HMGB1: variants seen among roughly 807,000 people sequenced by gnomAD.
HMGB1 encodes high mobility group protein B1.
For missense variants in HMGB1, 79 were observed against 253.5 expected (o/e 0.31, Z 4.67); for synonymous variants, 81 against 84.0 (o/e 0.96, Z 0.19).
chr13:30,574,144 C>T (rs1453062862), intron 1 of HMGB1, among the ~76,000 whole-genome samples: 2 of 152,322 alleles, frequency 1.3e-5, no homozygotes, highest in Non-Finnish European at 2.9e-5. Context: ...CAAAGTTTAA[C>T]TCAAAAGCCA....
Position 30,572,632 on chromosome 13 carries a change from A to G in HMGB1, c.-15+44039T>C, listed in dbSNP as rs192707228. Among the ~76,000 whole-genome samples the G allele has an allele frequency of 6.6e-5, 10 of 152,332 alleles. No homozygotes were observed. The East Asian group carries it at 1.7e-3, about 26-fold the overall frequency. On this transcript the variant is annotated intron_variant, in intron 1 of 4. Coordinates refer to the HMGB1 transcript ENST00000405805. ...AGAAGGGTAAATCTCTTACCAATGAACTTTGCTAATTCTTAGTGACTCCGT... is the reference window on the plus strand; with the variant it reads ...AGAAGGGTAAATCTCTTACCAATGAGCTTTGCTAATTCTTAGTGACTCCGT...
chr13:30,588,844 G>A (rs995242809), intron 1 of HMGB1, among the ~76,000 whole-genome samples: 6 of 151,934 alleles, frequency 3.9e-5, no homozygotes, highest in Admixed American at 1.3e-4. Flanking sequence ...TTGAATCTGG[G>A]AGGCGGAGGT....
At chr13:30,594,015 T>C (rs185974395) in intron 1 of HMGB1, among the ~76,000 whole-genome samples, 2 of 152,316 alleles carry the variant, frequency 1.3e-5, no homozygotes, top group African/African-American at 4.8e-5. Context: ...CTGTATTTCT[T>C]AGGAATTATT....
At position 30,472,962 on chromosome 13, in the gene HMGB1, A is replaced by G. The variant is rs140403927; in HGVS notation, c.-14-9268T>C. Among the ~76,000 whole-genome samples the G allele has an allele frequency of 8.5e-5, 13 of 152,138 alleles. No individual in the cohort carries two copies. The East Asian group carries it at 2.3e-3, about 27-fold the overall frequency. On this transcript the variant is annotated intron_variant, in intron 1 of 4. Coordinates refer to the HMGB1 transcript ENST00000405805. Reference sequence around the variant, plus strand: ...CTAGAAGCAAGGATACTGACATCCAATCCCCTCAATTCACTATGCACGGAC... The same window carrying G: ...CTAGAAGCAAGGATACTGACATCCAGTCCCCTCAATTCACTATGCACGGAC...
chr13:30,523,525 G>GTT (rs11456813), intron 1 of HMGB1, among the ~76,000 whole-genome samples: 78 of 150,396 alleles, frequency 5.2e-4, no homozygotes, highest in Non-Finnish European at 5.8e-4. Flanking sequence ...CTGAAGCCAA[G>GTT]TTTTTTTTTT....
At chr13:30,484,888 T>A (rs1887327496) in intron 1 of HMGB1, among the ~76,000 whole-genome samples, 1 of 152,088 alleles carries the variant, frequency 6.6e-6, no homozygotes, top group African/African-American at 2.4e-5. Context: ...TTCTATAGAT[T>A]ACTCTTCTTC....
At chr13:30,554,405 C>A in intron 1 of HMGB1, 1 of 822,458 alleles carries the variant, frequency 1.2e-6, no homozygotes, top group Non-Finnish European at 2.2e-6. Flanking sequence ...TAACATTAAA[C>A]AAGTGTTATT....
chr13:30,500,474 A>G (rs1393101914), intron 1 of HMGB1, among the ~76,000 whole-genome samples: 1 of 150,952 alleles, frequency 6.6e-6, no homozygotes, highest in Non-Finnish European at 1.5e-5. Flanking sequence ...GGCTCAAGCA[A>G]TCCTCCCCAC....
intron 1 of HMGB1, among the ~76,000 whole-genome samples, chr13:30,562,476 G>A (rs371792887): frequency 6.6e-6 from 1 of 151,776 alleles, no homozygotes; most frequent in Admixed American, 6.6e-5. Context: ...TGACTATAAA[G>A]TACTCTTATA....
intron 1 of HMGB1, among the ~76,000 whole-genome samples, chr13:30,592,663 A>ATG (rs1871417381): frequency 6.6e-6 from 1 of 152,146 alleles, no homozygotes; most frequent in African/African-American, 2.4e-5. Flanking sequence ...ATTGTTTAAG[A>ATG]ATTTGCTAAA....
chr13:30,514,692 C>T (rs532444749), intron 1 of HMGB1, among the ~76,000 whole-genome samples: 1 of 151,010 alleles, frequency 6.6e-6, no homozygotes, highest in Non-Finnish European at 1.5e-5. Context: ...AGTGGCTATT[C>T]ATCAGCACCA....
chr13:30,548,614 T>C (rs1158626435), intron 1 of HMGB1, among the ~76,000 whole-genome samples: 2 of 152,206 alleles, frequency 1.3e-5, no homozygotes, highest in Non-Finnish European at 2.9e-5. Context: ...AGTATGCGGT[T>C]TGCAAAATTC....
chr13:30,525,115 G>A (rs1888333807), intron 1 of HMGB1, among the ~76,000 whole-genome samples: 1 of 152,162 alleles, frequency 6.6e-6, no homozygotes, highest in Non-Finnish European at 1.5e-5. Flanking sequence ...TCTAAGCTCA[G>A]ACTCCATGTA....
chr13:30,505,170 CGTT>C (rs559515089), intron 1 of HMGB1, among the ~76,000 whole-genome samples: 15 of 148,538 alleles, frequency 1.0e-4, no homozygotes, highest in African/African-American at 2.7e-4. Flanking sequence ...TTGTTGTTGT[CGTT>C]GTTGTTGTTG....
chr13:30,604,887 T>C (rs1213898189), intron 1 of HMGB1, among the ~76,000 whole-genome samples: 10 of 152,158 alleles, frequency 6.6e-5, no homozygotes, highest in Non-Finnish European at 1.5e-4. Context: ...CTCCATCTCC[T>C]GATCCCGTGA....
chr13:30,519,215 A>G (rs999357714), intron 1 of HMGB1, among the ~76,000 whole-genome samples: 1 of 151,670 alleles, frequency 6.6e-6, no homozygotes, highest in African/African-American at 2.4e-5. Flanking sequence ...CAACATGGTG[A>G]AACCCCGTCT....
chr13:30,577,748 C>A (rs1331499192), intron 1 of HMGB1, among the ~76,000 whole-genome samples: 1 of 152,164 alleles, frequency 6.6e-6, no homozygotes, highest in African/African-American at 2.4e-5. Context: ...TTCAACAAGG[C>A]GATACATGCA....
chr13:30,593,708 T>C (rs374320711), intron 1 of HMGB1, among the ~76,000 whole-genome samples: 1 of 152,234 alleles, frequency 6.6e-6, no homozygotes, highest in South Asian at 2.1e-4. Context: ...TGGACTACTG[T>C]TTCCACATTT....
At chr13:30,520,293 G>A (rs2137473689) in intron 1 of HMGB1, among the ~76,000 whole-genome samples, 1 of 152,080 alleles carries the variant, frequency 6.6e-6, no homozygotes, top group East Asian at 1.9e-4. Context: ...CTACACTCCA[G>A]CCTGGGCAAC....
Sources: allele counts gnomAD v4.1 joint callset (sites outside exome capture counted in the v4.1 genomes callset), GRCh38; gene constraint gnomAD v4.1.1; transcripts MANE v1.5; gene names NCBI Gene and HGNC (gene_info 2026-07-23, HGNC 2026-07-21).